AUH: variants seen among roughly 807,000 people sequenced by gnomAD.
The protein encoded by AUH is methylglutaconyl-CoA hydratase, mitochondrial.
A neutral mutation model predicts 42.3 loss-of-function variants in AUH; 29 were observed. The observed-to-expected ratio is 0.69, with a 90% CI of 0.51 to 0.93. The LOEUF is 0.93. Among genes scored for constraint, AUH ranks in the 40% least tolerant of loss-of-function variants. The probability of loss-of-function intolerance (pLI) is 0.00; values close to 1 mark genes in which losing one functional copy is unlikely to be tolerated. For missense variants in AUH, 452 were observed against 438.1 expected, an observed-to-expected ratio of 1.03 and a Z score of -0.28; for synonymous variants, 174 against 166.4, an observed-to-expected ratio of 1.05 and a Z score of -0.35.
At chr9:91,352,320 A>G (rs1832053508) in intron 3 of AUH, among the ~76,000 whole-genome samples, 1 of 152,136 alleles carries the variant, frequency 6.6e-6, no homozygotes, top group South Asian at 2.1e-4. Context: ...TGTATAATGC[A>G]GGCTACTGTT....
chr9:91,330,646 C>T (rs1830261659), intron 3 of AUH, among the ~76,000 whole-genome samples: 2 of 152,122 alleles, frequency 1.3e-5, no homozygotes. Context: ...GTCAGGGCAG[C>T]ACTATTAGAA....
At chr9:91,302,343 A>C (rs1180024581) in intron 4 of AUH, among the ~76,000 whole-genome samples, 1 of 151,916 alleles carries the variant, frequency 6.6e-6, no homozygotes. Flanking sequence ...TAATCCCAGC[A>C]CTTTGGGAGG....
At chr9:91,295,463 G>A (rs1004985364) in intron 6 of AUH, among the ~76,000 whole-genome samples, 1 of 152,180 alleles carries the variant, frequency 6.6e-6, no homozygotes, top group Admixed American at 6.5e-5. Flanking sequence ...TGAGTAAAAT[G>A]CTATCAAACA....
intron 6 of AUH, among the ~76,000 whole-genome samples, chr9:91,237,147 T>A (rs1187695099): frequency 1.3e-5 from 2 of 152,232 alleles, no homozygotes. Flanking sequence ...ATAAGCTATG[T>A]TATAGGTAAA....
intron 4 of AUH, among the ~76,000 whole-genome samples, chr9:91,313,723 A>G (rs536186774): frequency 6.6e-6 from 1 of 151,562 alleles, no homozygotes; most frequent in East Asian, 1.9e-4. Flanking sequence ...AAAAAAAAAA[A>G]AAAAAAAAGA....
At chr9:91,261,407 A>G (rs1041056825) in intron 6 of AUH, among the ~76,000 whole-genome samples, 2 of 152,168 alleles carry the variant, frequency 1.3e-5, no homozygotes, top group African/African-American at 4.8e-5. Flanking sequence ...GTGTCCTACA[A>G]AGCCTCTTTA....
intron 1 of AUH, among the ~76,000 whole-genome samples, chr9:91,360,849 T>A (rs1832790437): frequency 6.6e-6 from 1 of 152,196 alleles, no homozygotes. Context: ...GTCCTCTGGC[T>A]TAACCCGGAG....
intron 5 of AUH, 27 bp from the exon 6 acceptor site, chr9:91,296,104 A>G (rs756903506): frequency 2.5e-6 from 4 of 1,601,852 alleles, no homozygotes; most frequent in East Asian, 4.5e-5. Flanking sequence ...AAAATTAAGT[A>G]TCATCCATAT....
intron 4 of AUH, among the ~76,000 whole-genome samples, chr9:91,313,281 C>A (rs1564090719): frequency 6.6e-6 from 1 of 152,170 alleles, no homozygotes; most frequent in South Asian, 2.1e-4. Flanking sequence ...GGAGCTCAGT[C>A]CAAAACAATG....
At chr9:91,352,793 T>A (rs940469467) in intron 3 of AUH, among the ~76,000 whole-genome samples, 2 of 152,198 alleles carry the variant, frequency 1.3e-5, no homozygotes, top group African/African-American at 4.8e-5. Context: ...AAGCACAGTT[T>A]AAAGGCTGAT....
At chr9:91,273,472 G>A (rs1007784477) in intron 6 of AUH, among the ~76,000 whole-genome samples, 1 of 152,164 alleles carries the variant, frequency 6.6e-6, no homozygotes, top group Non-Finnish European at 1.5e-5. Flanking sequence ...AAAGTGTTAA[G>A]GTTCAGTGGC....
rs554195226 is a variant in AUH, at chr9:91,286,592, C to T, written c.655+9429G>A. Among the ~76,000 whole-genome samples, 66 of 152,038 alleles carry T rather than the reference C, an allele frequency of 4.3e-4. 1 individual carries two copies. The South Asian group carries it at 0.013, about 31-fold the overall frequency. On this transcript the variant is annotated intron_variant, in intron 6 of 9. Coordinates refer to ENST00000375731, the MANE Select transcript of AUH (RefSeq NM_001698.3). ...CTAACATTAGGAATCACATAATAAACACAAAATGAAACATGCAGCATTGAC... is the reference window on the plus strand; with the variant it reads ...CTAACATTAGGAATCACATAATAAATACAAAATGAAACATGCAGCATTGAC...
intron 4 of AUH, among the ~76,000 whole-genome samples, chr9:91,323,249 C>G (rs557148048): frequency 1.1e-4 from 17 of 152,196 alleles, no homozygotes; most frequent in Non-Finnish European, 2.1e-4. Flanking sequence ...TTGTACTTTT[C>G]AACTGAAAAC....
At chr9:91,221,161 A>G (rs868458306) in intron 6 of AUH, among the ~76,000 whole-genome samples, 169 bp from the exon 7 acceptor site, 5 of 152,354 alleles carry the variant, frequency 3.3e-5, no homozygotes, top group South Asian at 2.1e-4. Context: ...TAATTCCCCT[A>G]TAAAACTAAT....
intron 6 of AUH, among the ~76,000 whole-genome samples, chr9:91,265,311 TAGA>T (rs562512734): frequency 8.5e-4 from 128 of 150,072 alleles, no homozygotes; most frequent in African/African-American, 2.9e-3. Flanking sequence ...CTCTACATTT[TAGA>T]AGGTTACTTC....
intron 6 of AUH, among the ~76,000 whole-genome samples, chr9:91,226,431 A>T (rs1312037021): frequency 4.9e-4 from 69 of 142,258 alleles, no homozygotes; most frequent in South Asian, 1.4e-3. Flanking sequence ...GTTTGAGTTC[A>T]TTGTAGATTC....
intron 3 of AUH, among the ~76,000 whole-genome samples, chr9:91,348,827 G>A (rs550237959): frequency 6.6e-6 from 1 of 152,122 alleles, no homozygotes; most frequent in African/African-American, 2.4e-5. Context: ...TTCTGATCAT[G>A]GTTTAAATAC....
chr9:91,355,449 C>T (rs1333250264), intron 3 of AUH, among the ~76,000 whole-genome samples: 2 of 151,708 alleles, frequency 1.3e-5, no homozygotes, highest in Admixed American at 6.6e-5. Flanking sequence ...CCCAGCTACT[C>T]GGGGGGCTGA....
At chr9:91,325,473 T>A (rs977990347) in intron 3 of AUH, 69 bp from the exon 4 acceptor site, 7 of 1,287,632 alleles carry the variant, frequency 5.4e-6, no homozygotes, top group Non-Finnish European at 7.9e-6. Flanking sequence ...AATTGAAAAT[T>A]TACTTAAGAT....
Sources: allele counts gnomAD v4.1 joint callset (sites outside exome capture counted in the v4.1 genomes callset), GRCh38; gene constraint gnomAD v4.1.1; transcripts MANE v1.5; gene names NCBI Gene and HGNC (gene_info 2026-07-23, HGNC 2026-07-21).